MCF2: variants seen among roughly 807,000 people sequenced by gnomAD.
The protein encoded by MCF2 is MCF.2 cell line derived transforming sequence.
A neutral mutation model predicts 82.5 loss-of-function variants in MCF2; 44 were observed. The observed-to-expected ratio is 0.53, with a 90% CI of 0.42 to 0.69. MCF2 has a LOEUF of 0.69. Ranked by LOEUF, MCF2 falls within the 30% of genes least tolerant of loss-of-function variation. The probability of loss-of-function intolerance (pLI) is 0.00; values close to 1 mark genes in which losing one functional copy is unlikely to be tolerated. For synonymous variants in MCF2, 217 were observed against 224.9 expected (o/e 0.96, Z 0.32); for missense variants, 623 against 663.1 (o/e 0.94, Z 0.66).
chrX:139,589,831 C>T lies in MCF2; in HGVS notation c.2370+4G>A, dbSNP rs1929336740. ...GTTTCTAGAAGAATTTTCAAATGAC[C>T]AACCTGGACAATATAAACTTCTTCC... On this transcript the variant is annotated splice_donor_region_variant and intron_variant, in intron 20 of 24. Transcript: ENST00000370576. The T allele has an allele frequency of 4.2e-5, 49 of 1,169,111 alleles. No individual in the cohort carries two copies. The East Asian group carries it at 1.4e-3, about 33-fold the overall frequency.
intron 7 of MCF2, 29 bp downstream of exon 10, chrX:139,619,558 T>C (rs1404106366): frequency 9.2e-7 from 1 of 1,092,082 alleles, no homozygotes; most frequent in Admixed American, 2.4e-5. Context: ...TACTGTATAA[T>C]ATAGCAGACA....
At chrX:139,626,231 A>C in exon 6 of MCF2, 1 of 1,205,163 alleles carries the variant, frequency 8.3e-7, no homozygotes, top group Admixed American at 2.2e-5. Context: ...AGTTGCAGAT[A>C]CTGCTCCATT....
chrX:139,660,323 T>C (rs1308808353), intron 1 of MCF2, among the ~76,000 whole-genome samples: 4 of 112,463 alleles, frequency 3.6e-5, no homozygotes, highest in African/African-American at 6.5e-5. Context: ...ATATCAAGAA[T>C]GTTTATAAAC....
At chrX:139,637,882 G>A (rs1187751163) in intron 1 of MCF2, among the ~76,000 whole-genome samples, 1 of 111,517 alleles carries the variant, frequency 9.0e-6, no homozygotes, top group African/African-American at 3.3e-5. Flanking sequence ...AGGATAAGAG[G>A]GAGGCAGGAG....
chrX:139,603,003 A>G (rs1471466744), intron 15 of MCF2, among the ~76,000 whole-genome samples: 1 of 111,495 alleles, frequency 9.0e-6, no homozygotes, highest in Non-Finnish European at 1.9e-5. Context: ...CCTCCTACTC[A>G]TTATTTAACA....
At chrX:139,612,971 T>C (rs1227488501) in intron 10 of MCF2, among the ~76,000 whole-genome samples, 2 of 111,848 alleles carry the variant, frequency 1.8e-5, no homozygotes, top group Non-Finnish European at 3.8e-5. Context: ...TTTATTCTTT[T>C]TGCGGGGTCA....
At chrX:139,667,487 G>A (rs888431120) in intron 1 of MCF2, among the ~76,000 whole-genome samples, 1 of 111,669 alleles carries the variant, frequency 9.0e-6, no homozygotes, top group African/African-American at 3.3e-5. Context: ...TTGCAGGTAG[G>A]TGTCAGCTGA....
chrX:139,594,598 T>C (rs1223940035), intron 19 of MCF2, among the ~76,000 whole-genome samples: 1 of 111,712 alleles, frequency 9.0e-6, no homozygotes, highest in Admixed American at 9.5e-5. Context: ...AAGACTTAAA[T>C]GTTAGACCTA....
intron 1 of MCF2, among the ~76,000 whole-genome samples, chrX:139,658,666 T>G: frequency 1.0e-5 from 1 of 98,774 alleles, no homozygotes; most frequent in East Asian, 3.2e-4. Flanking sequence ...AAAAAAGATG[T>G]GTTTTTTTTT....
chrX:139,680,991 C>A lies in MCF2; in HGVS notation c.-45+27115G>T, dbSNP rs142586649. Reference sequence around the variant, plus strand: ...TGCAAAATTACAAATAAAAACAGGGCCACTGCTTTTTGCTCTATGGCTAAT... The same window carrying A: ...TGCAAAATTACAAATAAAAACAGGGACACTGCTTTTTGCTCTATGGCTAAT... On this transcript the variant is annotated intron_variant, in intron 1 of 27. Transcript: ENST00000414978. 7.9e-3 allele frequency among the ~76,000 whole-genome samples: 883 copies of A among 112,227 alleles called. 4 individuals are homozygous for A. Among genetic ancestry groups the A allele is most frequent in the East Asian group, 0.025 (89 of 3,563 alleles).
Position 139,619,997 on chromosome X carries a change from TTGTGTGTGTGTG to T in MCF2, c.688-303_688-292del, listed in dbSNP as rs57662065. The stretch of plus-strand genomic sequence containing the variant: ...GAGGTATGTATAGGTATATATACAT[TTGTGTGTGTGTG>T]TGTGTGTGTGTGTGTGTGTATATAT... On this transcript the variant is annotated intron_variant, in intron 6 of 24. Coordinates refer to ENST00000370576, the Ensembl canonical transcript of MCF2. Among the ~76,000 whole-genome samples the T allele has an allele frequency of 1.8e-4, 17 of 93,397 alleles. No individual in the cohort carries two copies. The Admixed American group carries it at 2.1e-3, about 11-fold the overall frequency. The allele number at this position is 93,397 out of a possible 115,157, so 81.1% of individuals were successfully genotyped here.
At chrX:139,600,325 T>C (rs779021804) in intron 16 of MCF2, among the ~76,000 whole-genome samples, 20 of 111,008 alleles carry the variant, frequency 1.8e-4, no homozygotes, top group Non-Finnish European at 3.2e-4. Flanking sequence ...AAGAAGAAAA[T>C]AAATGGCATG....
chrX:139,700,214 C>G (rs1220409536), intron 1 of MCF2, among the ~76,000 whole-genome samples: 1 of 111,407 alleles, frequency 9.0e-6, no homozygotes, highest in Non-Finnish European at 1.9e-5. Context: ...TCCCTTTAAC[C>G]TGACCACTTC....
intron 11 of MCF2, among the ~76,000 whole-genome samples, chrX:139,609,890 G>C (rs1467076691): frequency 1.8e-5 from 2 of 112,400 alleles, no homozygotes; most frequent in African/African-American, 6.5e-5. Context: ...TTTGAGCTAA[G>C]AGTTAGCCTC....
intron 1 of MCF2, among the ~76,000 whole-genome samples, chrX:139,663,259 C>T (rs894136466): frequency 6.3e-5 from 7 of 111,915 alleles, no homozygotes; most frequent in Non-Finnish European, 1.1e-4. Flanking sequence ...ACATTTCTAC[C>T]CGCAGTATAT....
intron 1 of MCF2, among the ~76,000 whole-genome samples, chrX:139,694,956 T>C (rs1197883766): frequency 2.7e-5 from 3 of 109,171 alleles, no homozygotes; most frequent in African/African-American, 1.0e-4. Context: ...GCTTGTGATA[T>C]TGTACTGTAG....
intron 6 of MCF2, among the ~76,000 whole-genome samples, chrX:139,625,828 G>A (rs979690468): frequency 9.0e-6 from 1 of 111,611 alleles, no homozygotes. Flanking sequence ...ATAGGTACAT[G>A]GGATTTAAAA....
chrX:139,651,633 G>A, intron 2 of MCF2, 87 bp downstream of exon 2: 1 of 513,321 alleles, frequency 1.9e-6, no homozygotes, highest in Non-Finnish European at 3.3e-6. Flanking sequence ...TATATATAGA[G>A]AGCGAGCTAT....
intron 1 of MCF2, among the ~76,000 whole-genome samples, chrX:139,686,695 T>C (rs1321988174): frequency 9.0e-6 from 1 of 111,623 alleles, no homozygotes; most frequent in African/African-American, 3.3e-5. Context: ...TCTCTCATAC[T>C]CCATATCCAA....
Sources: allele counts gnomAD v4.1 joint callset (sites outside exome capture counted in the v4.1 genomes callset), GRCh38; gene constraint gnomAD v4.1.1; transcripts MANE v1.5; gene names NCBI Gene and HGNC (gene_info 2026-07-23, HGNC 2026-07-21).